Variants in C2orf76 observed in about 807,000 individuals in gnomAD.
The protein encoded by C2orf76 is chromosome 2 open reading frame 76, also known as UPF0538 protein C2orf76.
Under a neutral mutation model 16.9 loss-of-function variants are expected in C2orf76, and 23 were observed. The ratio of observed to expected loss-of-function variants is 1.36; its 90% CI spans 0.98 to 1.93. The LOEUF is 1.93. Among genes scored for constraint, C2orf76 ranks in the 30% most tolerant of loss-of-function variants. C2orf76 has a pLI of 0.00. For synonymous variants in C2orf76, 48 were observed against 52.3 expected (o/e 0.92, Z 0.35); for missense variants, 152 against 152.6 (o/e 1.00, Z 0.02).
At chr2:119,283,816 C>T in the C2orf76 span, among the ~76,000 whole-genome samples, 5 of 152,232 alleles carry the variant, frequency 3.3e-5, no homozygotes, top group African/African-American at 1.2e-4. Context: ...AGGATTTTTC[C>T]ACTTCTCTAC....
In C2orf76 at chr2:119,351,330, G is replaced by A. The variant is rs541212831; in HGVS notation, c.-12-11359C>T. 2.0e-5 allele frequency among the ~76,000 whole-genome samples: 3 copies of A among 152,234 alleles called. No homozygotes were observed. The South Asian group carries it at 6.2e-4, about 32-fold the overall frequency. Reference sequence around the variant, plus strand: ...TGCGCCTAGGAACACTTGACTGCACGTCTGCGCTATGCTTGGGGGACATTT... The same window carrying A: ...TGCGCCTAGGAACACTTGACTGCACATCTGCGCTATGCTTGGGGGACATTT... On this transcript the variant is annotated intron_variant, in intron 1 of 5. Transcript: ENST00000334816.
intron 1 of C2orf76, among the ~76,000 whole-genome samples, chr2:119,359,418 T>C (rs1479471189): frequency 6.6e-6 from 1 of 152,188 alleles, no homozygotes; most frequent in African/African-American, 2.4e-5. Flanking sequence ...AGAAAATACA[T>C]CTTGTAAGAC....
chr2:119,319,705 A>G (rs993049871), intron 3 of C2orf76, among the ~76,000 whole-genome samples: 5 of 152,168 alleles, frequency 3.3e-5, no homozygotes, highest in Admixed American at 2.0e-4. Context: ...GGGCTCTGAG[A>G]TATCTCAGGC....
At chr2:119,337,071 T>A (rs1031469178) in intron 2 of C2orf76, among the ~76,000 whole-genome samples, 2 of 151,390 alleles carry the variant, frequency 1.3e-5, no homozygotes, top group East Asian at 1.9e-4. Flanking sequence ...TTATTTATTT[T>A]TTGAGACACA....
At chr2:119,360,248 A>G (rs975819865) in intron 1 of C2orf76, among the ~76,000 whole-genome samples, 9 of 152,276 alleles carry the variant, frequency 5.9e-5, no homozygotes, top group African/African-American at 2.2e-4. Context: ...TGGGAGGCCG[A>G]GGCAGGTGAT....
the C2orf76 span, among the ~76,000 whole-genome samples, chr2:119,285,911 G>A: frequency 4.6e-5 from 7 of 152,092 alleles, no homozygotes; most frequent in African/African-American, 1.4e-4. Flanking sequence ...GAGCCACATC[G>A]TTTGGGGAAG....
At chr2:119,354,972 T>A (rs1163965788) in intron 1 of C2orf76, among the ~76,000 whole-genome samples, 1 of 152,208 alleles carries the variant, frequency 6.6e-6, no homozygotes, top group African/African-American at 2.4e-5. Context: ...TGTTCACATC[T>A]AGAATACACC....
chr2:119,364,716 CAT>C (rs1249886839), intron 1 of C2orf76, among the ~76,000 whole-genome samples: 2 of 152,200 alleles, frequency 1.3e-5, no homozygotes, highest in East Asian at 3.9e-4. Context: ...ATAATTACAA[CAT>C]GTTACGGTGG....
At chr2:119,305,865 T>G (rs1678761004) in intron 5 of C2orf76, among the ~76,000 whole-genome samples, 1 of 151,890 alleles carries the variant, frequency 6.6e-6, no homozygotes, top group Non-Finnish European at 1.5e-5. Flanking sequence ...CTTCAAATAT[T>G]TGTTTTGGAT....
At chr2:119,349,854 T>C (rs1164501369) in intron 1 of C2orf76, among the ~76,000 whole-genome samples, 1 of 152,206 alleles carries the variant, frequency 6.6e-6, no homozygotes, top group Non-Finnish European at 1.5e-5. Context: ...AGGGAAAGAA[T>C]GCTGTATGGT....
At chr2:119,348,676 A>T (rs1680284813) in intron 1 of C2orf76, among the ~76,000 whole-genome samples, 1 of 151,964 alleles carries the variant, frequency 6.6e-6, no homozygotes, top group Non-Finnish European at 1.5e-5. Context: ...ACAAGAGTGG[A>T]ACTCTGTCTT....
chr2:119,363,017 A>C (rs770548475), intron 1 of C2orf76, among the ~76,000 whole-genome samples: 2 of 152,078 alleles, frequency 1.3e-5, no homozygotes, highest in East Asian at 3.9e-4. Flanking sequence ...GCCAGGCTTC[A>C]TTCTTACCCC....
intron 2 of C2orf76, among the ~76,000 whole-genome samples, chr2:119,335,557 A>T (rs1161926212): frequency 4.6e-5 from 7 of 152,246 alleles, no homozygotes; most frequent in Admixed American, 4.6e-4. Flanking sequence ...TCTGCCACAC[A>T]GAACTCCAAA....
At chr2:119,295,414 C>T in the C2orf76 span, among the ~76,000 whole-genome samples, 1 of 152,108 alleles carries the variant, frequency 6.6e-6, no homozygotes, top group Non-Finnish European at 1.5e-5. Flanking sequence ...GGTTGTTGTG[C>T]TTTGCTAAAC....
At chr2:119,288,302 G>A in the C2orf76 span, among the ~76,000 whole-genome samples, 3 of 151,710 alleles carry the variant, frequency 2.0e-5, no homozygotes, top group Non-Finnish European at 4.4e-5. Flanking sequence ...GACTACAGGC[G>A]CCTGCCACTG....
At chr2:119,288,281 C>A in the C2orf76 span, among the ~76,000 whole-genome samples, 1 of 151,814 alleles carries the variant, frequency 6.6e-6, no homozygotes, top group African/African-American at 2.4e-5. Context: ...CTCAGCCTCC[C>A]GAGTAGCTCG....
intron 2 of C2orf76, among the ~76,000 whole-genome samples, chr2:119,324,366 T>C (rs994061260): frequency 2.0e-5 from 3 of 152,216 alleles, no homozygotes; most frequent in African/African-American, 7.2e-5. Context: ...TATTGTTTCC[T>C]TCATAACAGG....
chr2:119,285,395 G>A, the C2orf76 span, among the ~76,000 whole-genome samples: 1 of 152,218 alleles, frequency 6.6e-6, no homozygotes. Flanking sequence ...CTTGGGGGAA[G>A]TGCACAGGCA....
At chr2:119,364,442 T>C (rs1289423910) in intron 1 of C2orf76, among the ~76,000 whole-genome samples, 5 of 152,204 alleles carry the variant, frequency 3.3e-5, no homozygotes, top group East Asian at 3.9e-4. Context: ...CTCAACCCCA[T>C]AGTTTTACAT....
Sources: allele counts gnomAD v4.1 joint callset (sites outside exome capture counted in the v4.1 genomes callset), GRCh38; gene constraint gnomAD v4.1.1; transcripts MANE v1.5; gene names NCBI Gene and HGNC (gene_info 2026-07-23, HGNC 2026-07-21).